PISD: variants seen among roughly 807,000 people sequenced by gnomAD.
PISD encodes the protein phosphatidylserine decarboxylase.
PISD carries 31 observed loss-of-function variants against 43.5 expected under a neutral mutation model. That is an observed-to-expected ratio of 0.71 (90% confidence interval 0.54 to 0.96). The LOEUF is 0.96. Ranked by LOEUF, PISD falls within the 40% of genes least tolerant of loss-of-function variation. PISD has a pLI of 0.00. For missense variants in PISD, 523 were observed against 548.4 expected, an observed-to-expected ratio of 0.95 and a Z score of 0.46; for synonymous variants, 259 against 228.7, an observed-to-expected ratio of 1.13 and a Z score of -1.20.
chr22:31,624,929 C>T (rs142376089), intron 3 of PISD, among the ~76,000 whole-genome samples: 1,618 of 152,306 alleles, frequency 0.011, 8 homozygotes, highest in Middle Eastern at 0.031. Flanking sequence ...AGGCCCACCC[C>T]ACCCTGTCTG....
chr22:31,646,033 C>G (rs536595242), intron 3 of PISD, among the ~76,000 whole-genome samples: 1 of 152,074 alleles, frequency 6.6e-6, no homozygotes, highest in South Asian at 2.1e-4. Flanking sequence ...AAGGGATACT[C>G]AAACTCCAAT....
rs763007888 is a variant in PISD at position 31,620,616 on chromosome 22, G to T, written c.942C>A (p.Gly314=). ...CCCCCACAGCTGTCAGTGAGAAGAA[G>T]CCATGTTTCCAGTCCCCCGTCAGGA... is the stretch of plus-strand genomic sequence containing the variant. The part of the protein sequence containing the change: ...RVVLTGDWKH[G]FFSLTAVGAT... Residue 314 remains glycine, a synonymous_variant, in exon 7 of 8, where the codon GGC becomes GGA. Coordinates refer to ENST00000439502, the MANE Select transcript of PISD (RefSeq NM_001326411.2). 1.2e-6 allele frequency: 2 copies of T among 1,614,242 alleles called. No homozygotes were observed. Among genetic ancestry groups the T allele is most frequent in the Non-Finnish European group, 1.7e-6 (2 of 1,180,030 alleles).
chr22:31,636,045 C>G (rs1244145646), intron 3 of PISD, among the ~76,000 whole-genome samples: 1 of 152,236 alleles, frequency 6.6e-6, no homozygotes, highest in African/African-American at 2.4e-5. Context: ...AAAGCTACAG[C>G]ATGTACATCG....
chr22:31,632,202 G>A (rs185669223), intron 3 of PISD: 26 of 984,246 alleles, frequency 2.6e-5, no homozygotes, highest in African/African-American at 3.5e-5. Context: ...GCCCAAGCAA[G>A]TGCCACATGA....
intron 3 of PISD, chr22:31,625,571 C>G: frequency 1.5e-6 from 1 of 660,024 alleles, no homozygotes; most frequent in Non-Finnish European, 2.6e-6. Context: ...ATGGTTGGAA[C>G]CAAAGATACC....
intron 3 of PISD, among the ~76,000 whole-genome samples, chr22:31,633,651 G>C (rs2073298968): frequency 1.3e-5 from 2 of 152,126 alleles, no homozygotes; most frequent in Non-Finnish European, 2.9e-5. Flanking sequence ...GGAGGTGGAG[G>C]TTGCAGTGAG....
At chr22:31,637,233 C>A (rs2073534194) in intron 3 of PISD, among the ~76,000 whole-genome samples, 2 of 125,212 alleles carry the variant, frequency 1.6e-5, no homozygotes, top group African/African-American at 3.0e-5. Flanking sequence ...CATGGTGGTG[C>A]ACGCCAGTAA....
intron 2 of PISD, among the ~76,000 whole-genome samples, chr22:31,649,128 G>A (rs570880282): frequency 6.6e-6 from 1 of 152,256 alleles, no homozygotes; most frequent in South Asian, 2.1e-4. Flanking sequence ...GCTGAGGTGG[G>A]AGGATTGCTT....
intron 3 of PISD, among the ~76,000 whole-genome samples, chr22:31,637,192 TATATATATATATATAG>T (rs2073525240): frequency 2.4e-5 from 2 of 84,058 alleles, no homozygotes; most frequent in African/African-American, 5.2e-5. Context: ...TATATATATA[TATATATATATATATAG>T]AAAAATTAGC....
intron 2 of PISD, among the ~76,000 whole-genome samples, chr22:31,649,469 C>T (rs1023654985): frequency 1.3e-4 from 20 of 152,116 alleles, no homozygotes; most frequent in African/African-American, 4.8e-4. Flanking sequence ...CATGGTGGCT[C>T]AGGCCTGTAA....
rs952109913 is a variant in PISD, at chr22:31,619,427, T to C, written c.*185A>G. ...ATAGGTTGAGGGGCATGATGGGGGC[T>C]CTCGCCACCTCTTGTCTGCACCTCT... is the stretch of plus-strand genomic sequence containing the variant. On this transcript the variant is annotated 3_prime_UTR_variant, in exon 8 of 8. Transcript: ENST00000439502. 12 of 684,602 alleles carry C rather than the reference T, an allele frequency of 1.8e-5. No individual in the cohort carries two copies. Among genetic ancestry groups the C allele is most frequent in the Non-Finnish European group, 2.9e-5 (11 of 374,436 alleles). 42.4% of individuals were successfully genotyped at this position (684,602 alleles called of 1,614,324 possible). A position where few individuals can be genotyped will look rare whatever the true frequency, so the allele number is the denominator to read the frequency against.
chr22:31,659,866 G>A lies in PISD; in HGVS notation c.65+2278C>T, dbSNP rs182303099. 2.5e-3 allele frequency among the ~76,000 whole-genome samples: 386 copies of A among 152,094 alleles called. 2 individuals carry two copies. Among genetic ancestry groups the A allele is most frequent in the African/African-American group, 7.7e-3 (318 of 41,488 alleles). On this transcript the variant is annotated intron_variant, in intron 1 of 7. Transcript: ENST00000439502. The stretch of plus-strand genomic sequence containing the variant: ...CAAAGTGCTGGGATTACAGGCATGC[G>A]CCACCGTGCCCGGCTTTGTTTTTTT...
intron 3 of PISD, chr22:31,625,968 G>A: frequency 4.1e-6 from 6 of 1,477,644 alleles, no homozygotes; most frequent in Non-Finnish European, 5.4e-6. Flanking sequence ...CGCTTCCTGG[G>A]TTTGGTTCAG....
Position 31,637,143 on chromosome 22 carries a change from T to TTAAAA in PISD, c.321+10957_321+10958insTTTTA, listed in dbSNP as rs1556419492. On this transcript the variant is annotated intron_variant, in intron 3 of 7. Transcript: ENST00000439502. ...CAAAAAAAAATAATAATAAATAAAT[T>TTAAAA]AAAAAAAAAAAAAAAAAAAAAATAT... Among the ~76,000 whole-genome samples, 4 of 31,620 alleles carry TTAAAA rather than the reference T, an allele frequency of 1.3e-4. No individual in the cohort carries two copies. The East Asian group carries it at 5.2e-3, about 41-fold the overall frequency. The allele number at this position is 31,620 out of a possible 152,430, so 20.7% of individuals were successfully genotyped here.
intron 3 of PISD, among the ~76,000 whole-genome samples, chr22:31,628,394 C>T (rs953265763): frequency 7.9e-5 from 12 of 152,224 alleles, no homozygotes; most frequent in Non-Finnish European, 1.6e-4. Flanking sequence ...TGAGGTGACA[C>T]GAGGTGGGAG....
intron 1 of PISD, among the ~76,000 whole-genome samples, chr22:31,653,347 T>G (rs1037582326): frequency 2.6e-5 from 4 of 152,202 alleles, no homozygotes; most frequent in African/African-American, 9.6e-5. Context: ...GGATAAATTG[T>G]TGTGTTCTGT....
In PISD at chr22:31,621,457, C is replaced by T. The variant is rs1242336479; in HGVS notation, c.574G>A (p.Gly192Arg). 4.3e-6 allele frequency: 7 copies of T among 1,614,150 alleles called. No homozygotes were observed. Among genetic ancestry groups the T allele is most frequent in the Non-Finnish European group, 3.4e-6 (4 of 1,180,028 alleles). ...ACCTGCCCAAAGTTGAGGATCCTTC[C>T]ATCCGATGGGCTAATCTGGAAGGGC... ...GLHSVISPSD[G>R]RILNFGQVKN... Residue 192 changes from glycine to arginine, a missense_variant, in exon 5 of 8, where the codon GGA becomes AGA. Transcript: ENST00000439502.
intron 3 of PISD, among the ~76,000 whole-genome samples, chr22:31,629,487 G>A (rs948179417): frequency 2.7e-5 from 4 of 150,898 alleles, no homozygotes; most frequent in African/African-American, 7.3e-5. Context: ...ATGTGCGTAG[G>A]TGTGAGGGTG....
At chr22:31,627,336 T>C (rs181451718) in intron 3 of PISD, among the ~76,000 whole-genome samples, 1 of 152,276 alleles carries the variant, frequency 6.6e-6, no homozygotes, top group East Asian at 1.9e-4. Flanking sequence ...CACCAGGAGA[T>C]TGGCACAGGC....
Sources: gnomAD v4.1 joint callset for allele counts (sites outside exome capture counted in the v4.1 genomes callset) on GRCh38, gnomAD v4.1.1 for gene constraint, MANE v1.5 for transcripts, NCBI Gene and HGNC (gene_info 2026-07-23, HGNC 2026-07-21) for gene names.